Variants in AOPEP observed in about 807,000 individuals in gnomAD.
AOPEP encodes the protein aminopeptidase O.
Under a neutral mutation model 98.1 loss-of-function variants are expected in AOPEP, and 77 were observed. That is an observed-to-expected ratio of 0.78 (90% CI 0.65 to 0.95). AOPEP has a LOEUF of 0.95. Ranked by LOEUF, AOPEP falls within the 40% of genes least tolerant of loss-of-function variation. AOPEP has a pLI of 0.00. For synonymous variants in AOPEP, 346 were observed against 365.3 expected (o/e 0.95, Z 0.60); for missense variants, 1,024 against 1,024.7 (o/e 1.00, Z 0.01).
chr9:95,019,039 A>G lies in AOPEP; in HGVS notation c.2115+13423A>G, dbSNP rs1589282352. ...TCCTAAATTTATTTATAGACGTTAAAAAAAAATCAGGCTTGGTTTTTTCCT... is the reference window on the plus strand; with the variant it reads ...TCCTAAATTTATTTATAGACGTTAAGAAAAAATCAGGCTTGGTTTTTTCCT... On this transcript the variant is annotated intron_variant, in intron 13 of 16. Transcript: ENST00000375315. 2.0e-5 allele frequency: 3 copies of G among 152,310 alleles called. 1 individual carries two copies. The allele number at this position is 152,310 out of a possible 1,614,324, so 9.4% of individuals were successfully genotyped here. A position where few individuals can be genotyped will look rare whatever the true frequency, so the allele number is the denominator to read the frequency against.
At chr9:95,031,711 G>A (rs2064319002) in intron 13 of AOPEP, among the ~76,000 whole-genome samples, 1 of 152,204 alleles carries the variant, frequency 6.6e-6, no homozygotes, top group Admixed American at 6.5e-5. Context: ...GATTCTCCGG[G>A]TAGGGGGGAA....
intron 5 of AOPEP, among the ~76,000 whole-genome samples, chr9:94,873,343 G>A (rs1194001733): frequency 6.6e-6 from 1 of 152,188 alleles, no homozygotes; most frequent in African/African-American, 2.4e-5. Context: ...GAAAGACAGT[G>A]TTATACCTTT....
intron 13 of AOPEP, among the ~76,000 whole-genome samples, chr9:95,035,051 T>C (rs1201187664): frequency 6.6e-6 from 1 of 151,966 alleles, no homozygotes. Context: ...ACATGTGCCA[T>C]GTTGGTTTGC....
chr9:95,090,892 T>TGC (rs989349249), downstream of AOPEP, among the ~76,000 whole-genome samples: 2 of 152,230 alleles, frequency 1.3e-5, no homozygotes, highest in East Asian at 3.9e-4. Flanking sequence ...GCCTCCATGC[T>TGC]AGGCAAGGTG....
chr9:94,789,413 T>C (rs1419121127), intron 3 of AOPEP, among the ~76,000 whole-genome samples: 2 of 152,246 alleles, frequency 1.3e-5, no homozygotes, highest in East Asian at 1.9e-4. Context: ...AGAGAAGGAA[T>C]GACAGACCAC....
At chr9:94,904,397 T>C (rs1328468814) in intron 5 of AOPEP, 4 of 152,206 alleles carry the variant, frequency 2.6e-5, no homozygotes, top group African/African-American at 9.6e-5. Context: ...GGAGAAACAT[T>C]ACTCAGAGCC....
At position 94,881,652 on chromosome 9, in the gene AOPEP, A is replaced by G. The variant is rs1434843452; in HGVS notation, c.1365-42334A>G. ...AACTGCTAAGTTTGGGACAGAGTCCATTTATAAATAGAGTAGTTGATGCAG... is the reference window on the plus strand; with the variant it reads ...AACTGCTAAGTTTGGGACAGAGTCCGTTTATAAATAGAGTAGTTGATGCAG... On this transcript the variant is annotated intron_variant, in intron 5 of 16. Transcript: ENST00000375315. Among the ~76,000 whole-genome samples, 11 of 152,290 alleles carry G rather than the reference A, an allele frequency of 7.2e-5. No individual in the cohort carries two copies. The East Asian group carries it at 2.1e-3, about 29-fold the overall frequency.
At chr9:95,095,759 C>A in the AOPEP span, among the ~76,000 whole-genome samples, 1 of 149,450 alleles carries the variant, frequency 6.7e-6, no homozygotes, top group African/African-American at 2.4e-5. Flanking sequence ...GCCCCCTCTT[C>A]GTGAGATCGG....
chr9:95,008,160 A>T (rs1045439490), intron 13 of AOPEP, among the ~76,000 whole-genome samples: 4 of 152,082 alleles, frequency 2.6e-5, no homozygotes, highest in East Asian at 3.9e-4. Flanking sequence ...TTGATTGTCT[A>T]CTTTGTTTTC....
intron 5 of AOPEP, among the ~76,000 whole-genome samples, chr9:94,812,343 T>C (rs1044087872): frequency 8.5e-5 from 13 of 152,082 alleles, no homozygotes; most frequent in African/African-American, 2.4e-4. Flanking sequence ...GAGATCTGAC[T>C]TAGAATCTAA....
chr9:95,097,808 A>G, the AOPEP span, among the ~76,000 whole-genome samples: 6 of 152,290 alleles, frequency 3.9e-5, no homozygotes, highest in East Asian at 9.6e-4. Flanking sequence ...GTATAAACCA[A>G]TTGTGGAACT....
intron 5 of AOPEP, among the ~76,000 whole-genome samples, chr9:94,817,630 A>G (rs148722123): frequency 1.4e-4 from 21 of 152,366 alleles, no homozygotes; most frequent in Admixed American, 4.6e-4. Flanking sequence ...GAAAGCAGCA[A>G]GCATGCCAAT....
chr9:95,131,272 C>T, the AOPEP span, among the ~76,000 whole-genome samples: 1 of 152,246 alleles, frequency 6.6e-6, no homozygotes, highest in Non-Finnish European at 1.5e-5. Flanking sequence ...GCCTGAAGTC[C>T]TTCTAGCCTT....
intron 11 of AOPEP, among the ~76,000 whole-genome samples, chr9:94,987,524 C>T (rs1338047855): frequency 6.6e-6 from 1 of 152,152 alleles, no homozygotes; most frequent in Non-Finnish European, 1.5e-5. Context: ...ATCCCAGCCC[C>T]AGTGAAATCA....
chr9:94,784,994 C>T (rs1259992858), intron 3 of AOPEP, among the ~76,000 whole-genome samples: 1 of 151,958 alleles, frequency 6.6e-6, no homozygotes, highest in Non-Finnish European at 1.5e-5. Context: ...AGTGCAATGG[C>T]ACGATCTCAG....
chr9:95,086,925 G>A lies in AOPEP; in HGVS notation c.*248G>A. ...CCTCCTGCCCTGGATCTGGAGTGGA[G>A]CTGCTCTGAGATTTTGAGTTCTTCT... is the stretch of plus-strand genomic sequence containing the variant. On this transcript the variant is annotated 3_prime_UTR_variant, in exon 17 of 17. Transcript: ENST00000375315. The A allele has an allele frequency of 2.0e-6, 2 of 987,858 alleles. No individual in the cohort carries two copies. Among genetic ancestry groups the A allele is most frequent in the Non-Finnish European group, 2.4e-6 (2 of 830,106 alleles). 61.2% of individuals were successfully genotyped at this position (987,858 alleles called of 1,614,324 possible).
chr9:94,829,410 C>T (rs1265842098), intron 5 of AOPEP, among the ~76,000 whole-genome samples: 1 of 152,134 alleles, frequency 6.6e-6, no homozygotes, highest in Non-Finnish European at 1.5e-5. Context: ...TACCCAACTG[C>T]AGTTGTGGAA....
At chr9:95,149,794 T>C in the AOPEP span, 16 of 1,090,454 alleles carry the variant, frequency 1.5e-5, no homozygotes, top group Admixed American at 1.0e-4. Context: ...ACTCAGTAAT[T>C]TTTAAGAGTA....
intron 5 of AOPEP, among the ~76,000 whole-genome samples, chr9:94,823,074 G>C (rs778131676): frequency 6.6e-6 from 1 of 151,712 alleles, no homozygotes; most frequent in Non-Finnish European, 1.5e-5. Context: ...TCGGCTCATC[G>C]CAACTTCCGC....
Sources: allele counts gnomAD v4.1 joint callset (sites outside exome capture counted in the v4.1 genomes callset), GRCh38; gene constraint gnomAD v4.1.1; transcripts MANE v1.5; gene names NCBI Gene and HGNC (gene_info 2026-07-23, HGNC 2026-07-21).